CEP112: variants seen among roughly 807,000 people sequenced by gnomAD.
CEP112 encodes the protein centrosomal protein 112.
CEP112 carries 127 observed loss-of-function variants against 153.0 expected under a neutral mutation model. That is an observed-to-expected ratio of 0.83 (90% CI 0.72 to 0.96). CEP112 has a LOEUF of 0.96. Among genes scored for constraint, CEP112 ranks in the 40% least tolerant of loss-of-function variants. The pLI is 0.00. For missense variants in CEP112, 1,089 were observed against 1,101.2 expected, an observed-to-expected ratio of 0.99 and a Z score of 0.16; for synonymous variants, 358 against 374.4, an observed-to-expected ratio of 0.96 and a Z score of 0.51.
At chr17:66,188,146 GT>G (rs1405233862) in intron 1 of CEP112, among the ~76,000 whole-genome samples, 1 of 152,046 alleles carries the variant, frequency 6.6e-6, no homozygotes, top group Non-Finnish European at 1.5e-5. Flanking sequence ...TCCAGAATGA[GT>G]TTCCTAATGA....
chr17:65,976,307 T>C (rs1033797318), intron 17 of CEP112, among the ~76,000 whole-genome samples: 9 of 152,238 alleles, frequency 5.9e-5, no homozygotes, highest in Admixed American at 6.5e-5. Flanking sequence ...TCTATCTTCC[T>C]GAATGTGTTC....
In CEP112 at chr17:66,014,147, G is replaced by A. The variant is rs148908345; in HGVS notation, c.1657-8378C>T. ...ACATGTGCCAATATGGCAATAGGAG[G>A]ATGGCCTTGGGTGAGTGCTTGCTGG... On this transcript the variant is annotated intron_variant, in intron 16 of 26. Transcript: ENST00000535342. Among the ~76,000 whole-genome samples the A allele has an allele frequency of 3.1e-3, 475 of 152,330 alleles. 1 individual carries two copies. Among genetic ancestry groups the A allele is most frequent in the Non-Finnish European group, 5.4e-3 (365 of 68,030 alleles).
rs146914183 is a variant in CEP112, at chr17:65,826,721, G to A, written c.2394+25083C>T. 1.5e-3 allele frequency among the ~76,000 whole-genome samples: 229 copies of A among 152,260 alleles called. 1 individual carries two copies. Among genetic ancestry groups the A allele is most frequent in the African/African-American group, 5.1e-3 (211 of 41,552 alleles). ...CAAAGTGCATAATAGAGAACATTTC[G>A]AAATACAGAAAAATACAATTCAAAA... is the stretch of plus-strand genomic sequence containing the variant. On this transcript the variant is annotated intron_variant, in intron 21 of 26. Coordinates refer to ENST00000535342, the MANE Select transcript of CEP112 (RefSeq NM_001199165.4).
chr17:65,941,659 G>T (rs185963990), intron 18 of CEP112: 4 of 152,282 alleles, frequency 2.6e-5, no homozygotes, highest in Admixed American at 2.6e-4. Flanking sequence ...TGTAACTCAG[G>T]CTTCAAGAGA....
intron 21 of CEP112, among the ~76,000 whole-genome samples, chr17:65,821,889 T>A (rs1161172674): frequency 2.0e-5 from 3 of 151,874 alleles, no homozygotes; most frequent in Non-Finnish European, 4.4e-5. Context: ...AAAATGTCAC[T>A]AATTCACTAA....
chr17:66,095,489 A>C (rs2146273888), intron 8 of CEP112, among the ~76,000 whole-genome samples: 1 of 152,258 alleles, frequency 6.6e-6, no homozygotes, highest in South Asian at 2.1e-4. Context: ...AAAGTAGAGA[A>C]ATGGTGGTTA....
chr17:66,062,613 C>A (rs959593283), intron 11 of CEP112, among the ~76,000 whole-genome samples: 4 of 152,036 alleles, frequency 2.6e-5, no homozygotes, highest in Admixed American at 6.6e-5. Context: ...GAAAGAAATA[C>A]TCCAATGGCC....
chr17:65,852,194 TCC>T, intron 20 of CEP112, among the ~76,000 whole-genome samples, 160 bp from the exon 21 acceptor site: 1 of 134,570 alleles, frequency 7.4e-6, no homozygotes, highest in South Asian at 2.5e-4. Flanking sequence ...CCTCCCTCTT[TCC>T]CTCTCCCTTC....
intron 16 of CEP112, among the ~76,000 whole-genome samples, chr17:66,016,281 G>A (rs4341781): frequency 0.93 from 140,992 of 152,200 alleles, 65,536 homozygotes; most frequent in East Asian, 0.97. Context: ...ACTCCATTTT[G>A]GTTCTGTTCT....
intron 19 of CEP112, among the ~76,000 whole-genome samples, chr17:65,918,902 C>G (rs536091588): frequency 1.6e-4 from 25 of 152,178 alleles, no homozygotes; most frequent in African/African-American, 4.3e-4. Flanking sequence ...GTTCCTGGCA[C>G]GGTGCTTTCT....
At chr17:65,750,808 G>C in intron 21 of CEP112, 84 bp from the exon 22 acceptor site, 7 of 1,240,674 alleles carry the variant, frequency 5.6e-6, no homozygotes, top group South Asian at 1.2e-5. Flanking sequence ...AGGCAGCTGG[G>C]ATGCCTGCCA....
At chr17:66,045,079 T>A (rs35969346) in intron 12 of CEP112, among the ~76,000 whole-genome samples, 62,118 of 115,634 alleles carry the variant, frequency 0.54, 14,201 homozygotes, top group East Asian at 0.88. Flanking sequence ...AAAAAAAAAT[T>A]TTTTTTTTTG....
At chr17:65,953,198 C>T (rs1481302934) in intron 18 of CEP112, among the ~76,000 whole-genome samples, 1 of 152,106 alleles carries the variant, frequency 6.6e-6, no homozygotes, top group Non-Finnish European at 1.5e-5. Flanking sequence ...TGTTCTCAGA[C>T]ATGTTAAGTT....
chr17:65,690,012 A>G (rs1232097308), intron 23 of CEP112, among the ~76,000 whole-genome samples: 2 of 151,354 alleles, frequency 1.3e-5, no homozygotes, highest in Admixed American at 6.6e-5. Flanking sequence ...AAAGGTGCCA[A>G]ATTCACAAAA....
chr17:65,823,447 A>C (rs575174252), intron 21 of CEP112, among the ~76,000 whole-genome samples: 91 of 152,342 alleles, frequency 6.0e-4, no homozygotes, highest in Admixed American at 1.1e-3. Context: ...TAGTCTTTTC[A>C]ACAAACAATA....
chr17:66,172,797 C>T (rs2072300675), intron 4 of CEP112, among the ~76,000 whole-genome samples: 1 of 152,190 alleles, frequency 6.6e-6, no homozygotes, highest in Non-Finnish European at 1.5e-5. Context: ...ATGTGCTCAT[C>T]TTTCTCCCCC....
At chr17:65,702,289 A>T (rs2048681916) in intron 23 of CEP112, among the ~76,000 whole-genome samples, 1 of 152,184 alleles carries the variant, frequency 6.6e-6, no homozygotes, top group Non-Finnish European at 1.5e-5. Flanking sequence ...TGTTAAGATT[A>T]GCATCCTGCA....
chr17:65,759,297 A>T (rs1009271825), intron 21 of CEP112, among the ~76,000 whole-genome samples: 1 of 152,162 alleles, frequency 6.6e-6, no homozygotes, highest in Admixed American at 6.5e-5. Flanking sequence ...CCATTCTTTT[A>T]TTCTTCTATT....
At chr17:65,737,983 A>G (rs1367590858) in intron 23 of CEP112, among the ~76,000 whole-genome samples, 1 of 152,168 alleles carries the variant, frequency 6.6e-6, no homozygotes, top group Non-Finnish European at 1.5e-5. Flanking sequence ...TCTCATAGCA[A>G]CCTTAAATGC....
Sources: allele counts gnomAD v4.1 joint callset (sites outside exome capture counted in the v4.1 genomes callset), GRCh38; gene constraint gnomAD v4.1.1; transcripts MANE v1.5; gene names NCBI Gene and HGNC (gene_info 2026-07-23, HGNC 2026-07-21).